Variants in DDX10 observed in about 807,000 individuals in gnomAD.
DDX10 encodes the protein probable ATP-dependent RNA helicase DDX10.
Under a neutral mutation model 104.3 loss-of-function variants are expected in DDX10, and 74 were observed. The ratio of observed to expected loss-of-function variants is 0.71; its 90% confidence interval spans 0.59 to 0.86. The LOEUF (loss-of-function observed/expected upper bound fraction) is 0.86, where lower values mean the gene tolerates loss of function less well. Ranked by LOEUF, DDX10 falls within the 40% of genes least tolerant of loss-of-function variation. DDX10 has a pLI of 0.00. For synonymous variants in DDX10, 351 were observed against 353.4 expected (o/e 0.99, Z 0.08); for missense variants, 952 against 1,040.0 (o/e 0.92, Z 1.16).
At chr11:108,834,122 A>ATT (rs544463476) in intron 13 of DDX10, among the ~76,000 whole-genome samples, 31 of 139,400 alleles carry the variant, frequency 2.2e-4, no homozygotes, top group African/African-American at 6.3e-4. Context: ...AGCCTGGCTA[A>ATT]TTTTTTTTTT....
At chr11:108,743,086 C>T (rs191276737) in intron 13 of DDX10, among the ~76,000 whole-genome samples, 17 of 152,202 alleles carry the variant, frequency 1.1e-4, no homozygotes, top group Admixed American at 3.3e-4. Context: ...AAAAAGAAAA[C>T]TTCAGGTCAA....
Position 108,920,002 on chromosome 11 carries a change from C to G in DDX10, c.2450+1984C>G, listed in dbSNP as rs564900680. 5.3e-5 allele frequency: 8 copies of G among 151,972 alleles called. No individual in the cohort carries two copies. The South Asian group carries it at 1.7e-3, about 32-fold the overall frequency. 9.4% of individuals were successfully genotyped at this position (151,972 alleles called of 1,614,324 possible). A position where few individuals can be genotyped will look rare whatever the true frequency, so the allele number is the denominator to read the frequency against. Reference sequence around the variant, plus strand: ...TTAACTGCTCTAGCCTCAATTCCCACCCCTAATATTAATGTCATGGCACAG... The same window carrying G: ...TTAACTGCTCTAGCCTCAATTCCCAGCCCTAATATTAATGTCATGGCACAG... On this transcript the variant is annotated intron_variant, in intron 17 of 17. Transcript: ENST00000322536.
chr11:108,751,592 CATT>C (rs1201778012), intron 13 of DDX10, among the ~76,000 whole-genome samples: 1 of 152,118 alleles, frequency 6.6e-6, no homozygotes. Flanking sequence ...GGCCTGTAGA[CATT>C]ATCAGACTGC....
chr11:108,727,583 A>G (rs947399391), intron 13 of DDX10, among the ~76,000 whole-genome samples: 3 of 152,226 alleles, frequency 2.0e-5, no homozygotes, highest in Admixed American at 6.5e-5. Flanking sequence ...TCAGAATTGT[A>G]TTCTCACTTT....
chr11:108,705,226 T>C (rs1342725922), intron 9 of DDX10, among the ~76,000 whole-genome samples: 1 of 152,186 alleles, frequency 6.6e-6, no homozygotes, highest in Admixed American at 6.5e-5. Flanking sequence ...TTTTCTGGCT[T>C]CCACTCCCTT....
intron 3 of DDX10, 32 bp from the exon 4 acceptor site, chr11:108,677,053 C>A (rs774903122): frequency 1.3e-6 from 2 of 1,582,254 alleles, no homozygotes; most frequent in Non-Finnish European, 1.7e-6. Flanking sequence ...CTTCTGATGA[C>A]TTACTGAACA....
Position 108,733,778 on chromosome 11 carries a change from T to C in DDX10, c.1965+10316T>C, listed in dbSNP as rs566577221. On this transcript the variant is annotated intron_variant, in intron 13 of 17. Coordinates refer to ENST00000322536, the MANE Select transcript of DDX10 (RefSeq NM_004398.4). ...GGCTCGGGGGGATAAGCTTCATAAT[T>C]GGTTCTCGTTGTTCTTCTGAGTCAT... Among the ~76,000 whole-genome samples, 14 of 152,292 alleles carry C rather than the reference T, an allele frequency of 9.2e-5. No homozygotes were observed. The South Asian group carries it at 2.1e-3, about 23-fold the overall frequency.
chr11:108,703,617 C>T (rs1007925312), intron 9 of DDX10, among the ~76,000 whole-genome samples: 17 of 152,242 alleles, frequency 1.1e-4, no homozygotes, highest in East Asian at 5.8e-4. Flanking sequence ...CCTGAGCCAC[C>T]GCGCTTGGCC....
chr11:108,673,986 A>C (rs536155281), intron 2 of DDX10, among the ~76,000 whole-genome samples: 1 of 152,196 alleles, frequency 6.6e-6, no homozygotes, highest in African/African-American at 2.4e-5. Context: ...TGGCTTGTGG[A>C]TGGCTGCCCT....
At chr11:108,785,447 A>T (rs751499041) in intron 13 of DDX10, among the ~76,000 whole-genome samples, 1 of 152,086 alleles carries the variant, frequency 6.6e-6, no homozygotes, top group Non-Finnish European at 1.5e-5. Context: ...TATCAAGATG[A>T]TGCTGGGTTC....
intron 13 of DDX10, among the ~76,000 whole-genome samples, chr11:108,820,442 C>A (rs1355987153): frequency 6.6e-6 from 1 of 152,210 alleles, no homozygotes; most frequent in East Asian, 1.9e-4. Flanking sequence ...CAGAGTTTTG[C>A]CAGTCTGCTA....
At chr11:108,780,266 AG>A (rs1469646967) in intron 13 of DDX10, among the ~76,000 whole-genome samples, 1 of 152,214 alleles carries the variant, frequency 6.6e-6, no homozygotes, top group Non-Finnish European at 1.5e-5. Context: ...AGCACAGGAC[AG>A]GGTGGCTGAA....
intron 10 of DDX10, among the ~76,000 whole-genome samples, chr11:108,712,880 TTTTG>T (rs1407446886): frequency 6.6e-6 from 1 of 152,144 alleles, no homozygotes; most frequent in Non-Finnish European, 1.5e-5. Flanking sequence ...TTTTGTCAAT[TTTTG>T]TTTGTCTGAA....
chr11:108,797,622 T>A (rs1376912885), intron 13 of DDX10, among the ~76,000 whole-genome samples: 1 of 152,218 alleles, frequency 6.6e-6, no homozygotes. Flanking sequence ...TTTACAAATC[T>A]TTCAGAATTG....
chr11:108,851,346 T>G (rs568297692), intron 15 of DDX10, among the ~76,000 whole-genome samples: 10 of 152,296 alleles, frequency 6.6e-5, no homozygotes, highest in African/African-American at 2.4e-4. Context: ...TTGTTTTGCT[T>G]CTTTCATATA....
At chr11:108,675,815 C>T (rs2094224261) in intron 3 of DDX10, 89 bp downstream of exon 3, 2 of 1,484,164 alleles carry the variant, frequency 1.3e-6, no homozygotes, top group Non-Finnish European at 1.8e-6. Context: ...GAGATGTTTT[C>T]ATGTTAGATT....
chr11:108,902,125 A>C (rs1476030087), intron 16 of DDX10, among the ~76,000 whole-genome samples: 1 of 152,194 alleles, frequency 6.6e-6, no homozygotes, highest in South Asian at 2.1e-4. Flanking sequence ...ACCAGTTTTC[A>C]TGAGACTCGT....
intron 13 of DDX10, among the ~76,000 whole-genome samples, chr11:108,779,264 A>G (rs1179676911): frequency 6.6e-6 from 1 of 152,240 alleles, no homozygotes. Flanking sequence ...ACTATTCACA[A>G]TAGCAAAGAC....
chr11:108,726,782 C>G (rs1201422157), intron 13 of DDX10, among the ~76,000 whole-genome samples: 1 of 152,032 alleles, frequency 6.6e-6, no homozygotes, highest in Non-Finnish European at 1.5e-5. Context: ...GAGGGGGAAG[C>G]ATTCAGTCTT....
Sources: allele counts gnomAD v4.1 joint callset (sites outside exome capture counted in the v4.1 genomes callset), GRCh38; gene constraint gnomAD v4.1.1; transcripts MANE v1.5; gene names NCBI Gene and HGNC (gene_info 2026-07-23, HGNC 2026-07-21).